The following RASA3 variants were observed in gnomAD, a reference collection of about 807,000 sequenced individuals.
RASA3 encodes the protein RAS p21 protein activator 3, also known as ras GTPase-activating protein 3.
A neutral mutation model predicts 110.0 loss-of-function variants in RASA3; 73 were observed. The observed-to-expected ratio is 0.66, with a 90% CI of 0.55 to 0.81. RASA3 has a LOEUF of 0.81. RASA3 is among the 30% of genes least tolerant of loss of function. The pLI, the probability that RASA3 is intolerant of heterozygous loss-of-function variation, is 0.00. For synonymous variants in RASA3, 500 were observed against 451.4 expected, an observed-to-expected ratio of 1.11 and a Z score of -1.37; for missense variants, 976 against 1,113.2, an observed-to-expected ratio of 0.88 and a Z score of 1.75.
intron 4 of RASA3, among the ~76,000 whole-genome samples, chr13:114,035,241 A>G (rs2054257532): frequency 6.6e-6 from 1 of 152,250 alleles, no homozygotes. Flanking sequence ...CAGGCTACTA[A>G]GAGCAAAAGG....
At chr13:114,009,287 T>G in intron 17 of RASA3, 100 bp downstream of exon 17, 1 of 976,068 alleles carries the variant, frequency 1.0e-6, no homozygotes, top group Non-Finnish European at 1.6e-6. Context: ...AAATCGCTAA[T>G]GGCCAAGTCT....
In RASA3 at chr13:114,056,679, G is replaced by C; in HGVS notation, c.174-4524C>G. The C allele has an allele frequency of 1.0e-6, 1 of 984,464 alleles. No homozygotes were observed. The highest frequency in any genetic ancestry group is 1.2e-6 in the Non-Finnish European group (1 of 829,188). The allele number at this position is 984,464 out of a possible 1,614,324, so 61.0% of individuals were successfully genotyped here. ...GACAGCTGTCCGTGGAAATTGAGGT[G>C]CTTAAAATTCATAAATAAACCAGAA... On this transcript the variant is annotated intron_variant, in intron 2 of 23. Coordinates refer to ENST00000334062, the MANE Select transcript of RASA3 (RefSeq NM_007368.4). The surrounding 1 kb of genome is among the most constrained non-coding windows in gnomAD (Gnocchi z 5.7).
In RASA3 at chr13:114,013,239, T is replaced by TCCGG. The variant is rs755427396; in HGVS notation, c.1411_1414dup (p.Asp472AlafsTer64). Reference sequence around the variant, plus strand: ...GCTGCTCACTGCAGTGTACCTGACGTCCGGGTCATCTGCGGGAGAGAGAAG... The same window carrying TCCGG: ...GCTGCTCACTGCAGTGTACCTGACGTCCGGCCGGGTCATCTGCGGGAGAGAGAAG... On this transcript the variant is annotated frameshift_variant, in exon 15 of 24. Transcript: ENST00000334062. LOFTEE classifies it high-confidence loss of function. The TCCGG allele has an allele frequency of 6.2e-7, 1 of 1,611,748 alleles. No individual in the cohort carries two copies. The highest frequency in any genetic ancestry group is 2.2e-5 in the East Asian group (1 of 44,804).
chr13:114,100,789 A>G (rs1429471301), intron 1 of RASA3, among the ~76,000 whole-genome samples: 1 of 152,196 alleles, frequency 6.6e-6, no homozygotes, highest in Non-Finnish European at 1.5e-5. Context: ...CCAAGGCCCC[A>G]GGGACACCGG....
chr13:113,980,420 A>C (rs10162006), intron 23 of RASA3, among the ~76,000 whole-genome samples: 2 of 108,282 alleles, frequency 1.8e-5, no homozygotes, highest in Non-Finnish European at 1.9e-5. Context: ...CCACGTGTTC[A>C]CCTCCTCCGT....
In RASA3 at chr13:114,024,670, C is replaced by T. The variant is rs541517234; in HGVS notation, c.604-315G>A. Among the ~76,000 whole-genome samples the T allele has an allele frequency of 2.0e-5, 3 of 152,352 alleles. No homozygotes were observed. The South Asian group carries it at 6.2e-4, about 32-fold the overall frequency. On this transcript the variant is annotated intron_variant, in intron 7 of 23. Coordinates refer to ENST00000334062, the MANE Select transcript of RASA3 (RefSeq NM_007368.4). ...GGTACCTAAATGTCCGTCACCTGCG[C>T]CTGCTCTGGGCCTGCCACCCCGTGA... is the stretch of plus-strand genomic sequence containing the variant.
intron 1 of RASA3, among the ~76,000 whole-genome samples, chr13:114,100,276 G>C (rs11840159): frequency 1.3e-5 from 2 of 151,810 alleles, no homozygotes; most frequent in African/African-American, 2.4e-5. Flanking sequence ...GCTGCCCCTC[G>C]GCCCCGACCC....
intron 21 of RASA3, among the ~76,000 whole-genome samples, chr13:113,995,248 G>T (rs937169935): frequency 6.6e-6 from 1 of 152,242 alleles, no homozygotes; most frequent in African/African-American, 2.4e-5. Flanking sequence ...AATGCTTCCC[G>T]CTGTCCTGGG....
At position 114,014,428 on chromosome 13, in the gene RASA3, C is replaced by A. The variant is rs542069672; in HGVS notation, c.1405+781G>T. On this transcript the variant is annotated intron_variant, in intron 14 of 23. Coordinates refer to ENST00000334062, the MANE Select transcript of RASA3 (RefSeq NM_007368.4). This position sits in a 1 kb window ranked among gnomAD's most constrained non-coding sequence, Gnocchi z 4.5. The stretch of plus-strand genomic sequence containing the variant: ...GGACAGCGTTTGTCTCCTGGGGACA[C>A]AGAAGCGTGGACGGCTCTGCAGGAC... Among the ~76,000 whole-genome samples the A allele has an allele frequency of 2.0e-5, 3 of 152,142 alleles. No individual in the cohort carries two copies. Among genetic ancestry groups the A allele is most frequent in the Non-Finnish European group, 4.4e-5 (3 of 68,010 alleles).
chr13:114,003,339 G>T (rs2053444476), intron 18 of RASA3, among the ~76,000 whole-genome samples: 1 of 152,154 alleles, frequency 6.6e-6, no homozygotes, highest in Non-Finnish European at 1.5e-5. Context: ...GTGGCACCTG[G>T]GAGGCGCCTG....
At chr13:114,069,607 A>G (rs1450739953) in intron 2 of RASA3, among the ~76,000 whole-genome samples, 3 of 2,638 alleles carry the variant, frequency 1.1e-3, no homozygotes, top group African/African-American at 1.9e-3. Flanking sequence ...AGACTGGGGG[A>G]ATGGGAGATT....
At chr13:114,024,013 C>T (rs192772433) in intron 8 of RASA3, among the ~76,000 whole-genome samples, 2 of 152,326 alleles carry the variant, frequency 1.3e-5, no homozygotes, top group African/African-American at 4.8e-5. Flanking sequence ...GGCTGCAGCC[C>T]CCGTCACTCC....
chr13:114,018,646 G>T, intron 10 of RASA3, 117 bp downstream of exon 10: 1 of 1,311,408 alleles, frequency 7.6e-7, no homozygotes, highest in Non-Finnish European at 1.0e-6. Context: ...GCTGGGAGGC[G>T]TGGGAAAGGC....
intron 1 of RASA3, among the ~76,000 whole-genome samples, chr13:114,103,569 G>A (rs1454632168): frequency 2.8e-5 from 2 of 70,832 alleles, no homozygotes; most frequent in East Asian, 3.9e-4. Context: ...CCCCCGATGC[G>A]TCCATGCTGC....
chr13:114,040,850 C>T, intron 4 of RASA3, 150 bp downstream of exon 4: 1 of 728,824 alleles, frequency 1.4e-6, no homozygotes, highest in Non-Finnish European at 2.3e-6. Flanking sequence ...ACTCCGAGCA[C>T]AAGTGGGCGA....
chr13:113,984,317 CACCCATCACTCACCCATCCGTCCACCT>C (rs1333865924), intron 22 of RASA3, among the ~76,000 whole-genome samples: 5 of 118,824 alleles, frequency 4.2e-5, no homozygotes, highest in South Asian at 3.2e-4. Flanking sequence ...CCTATCCATC[CACCCATCACTCACCCATCCGTCCACCT>C]ACCCATCACT....
chr13:113,979,537 A>G, intron 23 of RASA3, 115 bp from the exon 24 acceptor site: 1 of 853,730 alleles, frequency 1.2e-6, no homozygotes, highest in Non-Finnish European at 2.0e-6. Context: ...TGCAATCCAC[A>G]CAAAAAATAG....
At chr13:114,019,035 G>A (rs2053857832) in intron 9 of RASA3, 116 bp from the exon 10 acceptor site, 1 of 1,329,712 alleles carries the variant, frequency 7.5e-7, no homozygotes, top group Non-Finnish European at 1.0e-6. Context: ...GATCCTGTAG[G>A]ACCCCTCAGA....
rs901760406 is a variant in RASA3, at chr13:114,048,619, G to T, written c.277+3433C>A. ...TGCTCTGTGAGGGCAGCGCCCGGCA[G>T]CCGAGTCCAGGCAGAGGCCGCCTCC... On this transcript the variant is annotated intron_variant, in intron 3 of 23. Coordinates refer to ENST00000334062, the MANE Select transcript of RASA3 (RefSeq NM_007368.4). This position sits in a 1 kb window ranked among gnomAD's most constrained non-coding sequence, Gnocchi z 4.3. Among the ~76,000 whole-genome samples, 1 of 152,208 alleles carries T rather than the reference G, an allele frequency of 6.6e-6. No homozygotes were observed. The highest frequency in any genetic ancestry group is 6.5e-5 in the Admixed American group (1 of 15,290).
Sources: allele counts gnomAD v4.1 joint callset (sites outside exome capture counted in the v4.1 genomes callset), GRCh38; gene constraint gnomAD v4.1.1; non-coding constraint Gnocchi (gnomAD v3.1); transcripts MANE v1.5; gene names NCBI Gene and HGNC (gene_info 2026-07-23, HGNC 2026-07-21).